EWSR1: variants seen among roughly 807,000 people sequenced by gnomAD.
EWSR1 encodes EWS RNA binding protein 1, also known as RNA-binding protein EWS.
A neutral mutation model predicts 92.1 loss-of-function variants in EWSR1; 14 were observed. The observed-to-expected ratio is 0.15, with a 90% CI of 0.10 to 0.24. EWSR1 has a LOEUF of 0.24. EWSR1 is among the 10% of genes least tolerant of loss of function. The pLI is 1.00. For synonymous variants in EWSR1, 303 were observed against 292.9 expected (o/e 1.03, Z -0.35); for missense variants, 637 against 870.9 (o/e 0.73, Z 3.38).
chr22:29,280,862 G>GTTTTTTTTTTGT (rs2059524975), intron 5 of EWSR1, among the ~76,000 whole-genome samples: 1 of 62,870 alleles, frequency 1.6e-5, no homozygotes. Flanking sequence ...TGTGTGTGTT[G>GTTTTTTTTTTGT]TTTTTTTTTT....
At chr22:29,271,937 G>A (rs1197371857) in intron 1 of EWSR1, among the ~76,000 whole-genome samples, 1 of 152,178 alleles carries the variant, frequency 6.6e-6, no homozygotes, top group Non-Finnish European at 1.5e-5. Flanking sequence ...GTTGGGATTG[G>A]GATGGGTTTT....
chr22:29,286,800 A>G (rs2060075947), intron 6 of EWSR1, 123 bp from the exon 7 acceptor site: 4 of 669,198 alleles, frequency 6.0e-6, no homozygotes, highest in Non-Finnish European at 1.0e-5. Flanking sequence ...ATGTGTAGAA[A>G]GTAACTACTG....
intron 12 of EWSR1, 59 bp downstream of exon 12, chr22:29,296,427 G>A (rs2060865495): frequency 1.9e-6 from 3 of 1,595,182 alleles, no homozygotes; most frequent in Non-Finnish European, 2.6e-6. Flanking sequence ...GCATGAGGGA[G>A]AAACTTGTGA....
Position 29,273,729 on chromosome 22 carries a change from T to C in EWSR1, c.103-12T>C. The C allele has an allele frequency of 2.5e-6, 4 of 1,601,956 alleles. No homozygotes were observed. Among genetic ancestry groups the C allele is most frequent in the African/African-American group, 2.7e-5 (2 of 74,424 alleles). Reference sequence around the variant, plus strand: ...TGTATGAAGTTCTTGCATTCGTTTTTTTTTGGAGCAGGCATATGGGCAACA... The same window carrying C: ...TGTATGAAGTTCTTGCATTCGTTTTCTTTTGGAGCAGGCATATGGGCAACA... On this transcript the variant is annotated splice_polypyrimidine_tract_variant and intron_variant, in intron 3 of 16. Coordinates refer to ENST00000397938, the MANE Select transcript of EWSR1 (RefSeq NM_005243.4).
chr22:29,281,237 A>G lies in EWSR1; in HGVS notation c.414-1153A>G, dbSNP rs567708595. Reference sequence around the variant, plus strand: ...TCCATGTTGGCCAGGCTGGTGTCCAACTCCTGACATCATGCAATCCACCTG... The same window carrying G: ...TCCATGTTGGCCAGGCTGGTGTCCAGCTCCTGACATCATGCAATCCACCTG... On this transcript the variant is annotated intron_variant, in intron 5 of 16. Coordinates refer to ENST00000397938, the MANE Select transcript of EWSR1 (RefSeq NM_005243.4). Among the ~76,000 whole-genome samples the G allele has an allele frequency of 4.6e-5, 7 of 151,752 alleles. No homozygotes were observed. In the South Asian group the frequency reaches 1.5e-3, roughly 32 times the overall value.
Position 29,298,867 on chromosome 22 carries a change from C to G in EWSR1, c.1552C>G (p.Arg518Gly). 1 of 1,564,060 alleles carries G rather than the reference C, an allele frequency of 6.4e-7. No homozygotes were observed. The highest frequency in any genetic ancestry group is 1.2e-5 in the South Asian group (1 of 83,244). Reference sequence around the variant, plus strand: ...CTCTGGAGGAGGAAACGTCCAGCACCGAGCTGGAGACTGGCAGTGTCCCAA... The same window carrying G: ...CTCTGGAGGAGGAAACGTCCAGCACGGAGCTGGAGACTGGCAGTGTCCCAA... ...NPSGGGNVQH[R>G]AGDWQCPNPG... The change falls in exon 14 of 17, where the codon CGA becomes GGA. Residue 518 changes from arginine to glycine, a missense_variant. This residue lies in a region of EWSR1 where 363 missense variants were observed against 447.8 expected (regional missense o/e 0.81). Coordinates refer to ENST00000397938, the MANE Select transcript of EWSR1 (RefSeq NM_005243.4).
intron 5 of EWSR1, among the ~76,000 whole-genome samples, chr22:29,280,859 G>GTTTTTTTTTTTTTTTTTTTTTTT (rs1316884921): frequency 1.1e-5 from 1 of 90,978 alleles, no homozygotes; most frequent in African/African-American, 4.0e-5. Context: ...GTGTGTGTGT[G>GTTTTTTTTTTTTTTTTTTTTTTT]TTGTTTTTTT....
intron 4 of EWSR1, chr22:29,276,124 C>T (rs2059102381): frequency 4.3e-6 from 1 of 231,662 alleles, no homozygotes; most frequent in East Asian, 6.1e-5. Flanking sequence ...GCCCTGATCA[C>T]TTTTAGTTTT....
chr22:29,281,704 C>T (rs921929206), intron 5 of EWSR1, among the ~76,000 whole-genome samples: 3 of 152,156 alleles, frequency 2.0e-5, no homozygotes, highest in Non-Finnish European at 1.5e-5. Flanking sequence ...CCTCAGCTTC[C>T]TGAGTAGCTG....
intron 1 of EWSR1, 59 bp downstream of exon 1, chr22:29,268,408 C>T (rs2058304829): frequency 1.2e-6 from 2 of 1,613,562 alleles, no homozygotes; most frequent in Non-Finnish European, 1.7e-6. Flanking sequence ...AACTGGGGGT[C>T]GTTCGTCTCT....
intron 4 of EWSR1, among the ~76,000 whole-genome samples, chr22:29,275,419 A>G (rs1361795611): frequency 6.6e-6 from 1 of 152,206 alleles, no homozygotes; most frequent in Non-Finnish European, 1.5e-5. Flanking sequence ...AGTACAGGTC[A>G]TTCTAGTTTA....
At position 29,296,289 on chromosome 22, in the gene EWSR1, A is replaced by C. The variant is rs1270849074; in HGVS notation, c.1215A>C (p.Glu405Asp). The change falls in exon 12 of 17, where the codon GAA (glutamate) becomes GAC (aspartate). Residue 405 changes from glutamate (E) to aspartate (D), a missense_variant. Transcript: ENST00000397938. ...QPMIHIYLDK[E>D]TGKPKGDATV... ...TGATCCACATCTACCTGGACAAGGA[A>C]ACAGGAAAGCCCAAAGGCGATGCCA... 2.5e-6 allele frequency: 4 copies of C among 1,614,112 alleles called. No homozygotes were observed. Among genetic ancestry groups the C allele is most frequent in the Admixed American group, 1.7e-5 (1 of 60,016 alleles).
rs771496966 is a variant in EWSR1 at position 29,273,835 on chromosome 22, A to G, written c.197A>G (p.Tyr66Cys). The G allele has an allele frequency of 2.5e-6, 4 of 1,613,964 alleles. No homozygotes were observed. The highest frequency in any genetic ancestry group is 2.2e-5 in the East Asian group (1 of 44,894). The stretch of plus-strand genomic sequence containing the variant: ...ACTGCAACCTATGGGCAGACCGCCT[A>G]TGCAACTTCTTATGGACAGCCTCCC... ...QTTATYGQTA[Y>C]ATSYGQPPTG... Residue 66 changes from tyrosine (Y) to cysteine (C), a missense_variant, in exon 4 of 17, where the codon TAT (tyrosine) becomes TGT (cysteine). Physicochemically the swap from Tyr to Cys is radical, Grantham distance 194. This residue lies in a region of EWSR1 where 144 missense variants were observed against 189.0 expected (regional missense o/e 0.76). Coordinates refer to ENST00000397938, the MANE Select transcript of EWSR1 (RefSeq NM_005243.4).
At chr22:29,272,186 A>G (rs2058735227) in intron 1 of EWSR1, 30 bp from the exon 2 acceptor site, 1 of 1,607,028 alleles carries the variant, frequency 6.2e-7, no homozygotes, top group Non-Finnish European at 8.5e-7. Flanking sequence ...TGCTAACTTT[A>G]CACTATTTTT....
Position 29,300,027 on chromosome 22 carries a change from CCGA to C in EWSR1, c.1932-94_1932-92del, listed in dbSNP as rs1569128994. On this transcript the variant is annotated intron_variant, in intron 16 of 16. Coordinates refer to ENST00000397938, the MANE Select transcript of EWSR1 (RefSeq NM_005243.4). ...GCTTCCTCACCCCTTCCCATTCTAA[CCGA>C]TTGGGAGGAGCCAGGAAGGGGCACC... 2.4e-5 allele frequency: 12 copies of C among 498,600 alleles called. 1 individual carries two copies. Among genetic ancestry groups the C allele is most frequent in the African/African-American group, 1.7e-4 (2 of 11,764 alleles). 30.9% of individuals were successfully genotyped at this position (498,600 alleles called of 1,614,324 possible). A position where few individuals can be genotyped will look rare whatever the true frequency, so the allele number is the denominator to read the frequency against.
At chr22:29,291,515 C>T (rs2060440577) in intron 8 of EWSR1, 47 bp from the exon 9 acceptor site, 1 of 1,603,238 alleles carries the variant, frequency 6.2e-7, no homozygotes, top group South Asian at 1.1e-5. Flanking sequence ...CAGAGCGGTA[C>T]TGGCTTTTAA....
chr22:29,298,882 C>T lies in EWSR1; in HGVS notation c.1567C>T (p.Gln523Ter). ...CGTCCAGCACCGAGCTGGAGACTGG[C>T]AGTGTCCCAATCCGTATGTACTTGT... The part of the protein sequence containing the change: ...GNVQHRAGDW[Q>*]CPNPGCGNQN... The change falls in exon 14 of 17, where the codon CAG becomes TAG. Residue 523 changes from glutamine (Q) to a stop codon, truncating the protein, a stop_gained. Transcript: ENST00000397938. LOFTEE classifies it high-confidence loss of function. The T allele has an allele frequency of 6.4e-7, 1 of 1,553,922 alleles. No individual in the cohort carries two copies. The highest frequency in any genetic ancestry group is 8.6e-7 in the Non-Finnish European group (1 of 1,157,618).
chr22:29,272,183 T>C, intron 1 of EWSR1, 33 bp from the exon 2 acceptor site: 2 of 1,606,392 alleles, frequency 1.2e-6, no homozygotes, highest in Non-Finnish European at 1.7e-6. Context: ...TTCTGCTAAC[T>C]TTACACTATT....
At chr22:29,278,383 T>C (rs191473708) in intron 5 of EWSR1, among the ~76,000 whole-genome samples, 167 bp downstream of exon 5, 233 of 152,352 alleles carry the variant, frequency 1.5e-3, no homozygotes, top group African/African-American at 5.3e-3. Context: ...CACAGAAATA[T>C]TCTGCATTTA....
Sources: gnomAD v4.1 joint callset for allele counts (sites outside exome capture counted in the v4.1 genomes callset) on GRCh38, gnomAD v4.1.1 for gene constraint, gnomAD v4.1.1 regional missense constraint, MANE v1.5 for transcripts, NCBI Gene and HGNC (gene_info 2026-07-23, HGNC 2026-07-21) for gene names.